ACOXL: variants seen among roughly 807,000 people sequenced by gnomAD.
The protein encoded by ACOXL is acyl-coenzyme A oxidase-like protein.
A neutral mutation model predicts 71.9 loss-of-function variants in ACOXL; 70 were observed. That is an observed-to-expected ratio of 0.97 (90% CI 0.80 to 1.19). The LOEUF (loss-of-function observed/expected upper bound fraction) is 1.19, where lower values mean the gene tolerates loss of function less well. Among genes scored for constraint, ACOXL ranks in the 50% most tolerant of loss-of-function variants. The pLI, the probability that ACOXL is intolerant of heterozygous loss-of-function variation, is 0.00. For synonymous variants in ACOXL, 253 were observed against 281.6 expected (o/e 0.90, Z 1.02); for missense variants, 703 against 736.3 (o/e 0.95, Z 0.52).
At chr2:110,777,022 A>G (rs911578987) in intron 2 of ACOXL, among the ~76,000 whole-genome samples, 7 of 151,920 alleles carry the variant, frequency 4.6e-5, no homozygotes, top group African/African-American at 1.5e-4. Flanking sequence ...GGGAAAGAAA[A>G]TGCGATTCCC....
intron 2 of ACOXL, among the ~76,000 whole-genome samples, chr2:110,779,035 A>G (rs1237915829): frequency 1.3e-5 from 2 of 152,226 alleles, no homozygotes; most frequent in Non-Finnish European, 2.9e-5. Flanking sequence ...TGTAGTAAGC[A>G]TGTGCTGCCA....
At chr2:110,768,513 T>TGTGTGTGTGTGTGAGAGAGAGA in intron 2 of ACOXL, 49 bp downstream of exon 2, 4 of 928,516 alleles carry the variant, frequency 4.3e-6, no homozygotes, top group Non-Finnish European at 6.3e-6. Flanking sequence ...TGTGTGTGTG[T>TGTGTGTGTGTGTGAGAGAGAGA]GAGAGAGAGA....
At chr2:110,987,362 C>T in intron 13 of ACOXL, 145 bp downstream of exon 13, 1 of 679,930 alleles carries the variant, frequency 1.5e-6, no homozygotes, top group Admixed American at 2.8e-5. Context: ...AAAATGAATA[C>T]TCATACACTC....
At chr2:110,978,070 C>T (rs550468597) in intron 12 of ACOXL, among the ~76,000 whole-genome samples, 7 of 152,248 alleles carry the variant, frequency 4.6e-5, no homozygotes, top group Non-Finnish European at 8.8e-5. Flanking sequence ...GTATGATGTG[C>T]TTGCTGCTTG....
chr2:110,778,935 A>G (rs72832812), intron 2 of ACOXL, among the ~76,000 whole-genome samples: 10,405 of 152,296 alleles, frequency 0.068, 448 homozygotes, highest in Non-Finnish European at 0.092. Flanking sequence ...GGTAATGTCA[A>G]TAAGATACGT....
In ACOXL at chr2:111,071,817, TG is replaced by T. The variant is rs1343437381; in HGVS notation, c.1441-21045del. On this transcript the variant is annotated intron_variant, in intron 16 of 17. Transcript: ENST00000439055. ...GTTGGTCCCAGTGGGCTTGAGCTCC[TG>T]GGAACCAAGGCTTTCAGTTCCACAA... Among the ~76,000 whole-genome samples the T allele has an allele frequency of 2.6e-5, 4 of 152,196 alleles. 1 individual carries two copies. The highest frequency in any genetic ancestry group is 2.6e-4 in the Admixed American group (4 of 15,284).
chr2:111,023,466 G>T (rs1020449774), intron 14 of ACOXL, among the ~76,000 whole-genome samples: 2 of 152,108 alleles, frequency 1.3e-5, no homozygotes, highest in African/African-American at 2.4e-5. Flanking sequence ...GGGATTTTTT[G>T]ATTACAGGGA....
At chr2:111,022,450 A>ACACACACAC (rs2064811735) in intron 14 of ACOXL, among the ~76,000 whole-genome samples, 1 of 141,458 alleles carries the variant, frequency 7.1e-6, no homozygotes, top group African/African-American at 3.0e-5. Context: ...CACACACACA[A>ACACACACAC]AGGCACACAC....
intron 17 of ACOXL, among the ~76,000 whole-genome samples, chr2:111,110,716 A>G (rs1262267532): frequency 6.6e-6 from 1 of 152,236 alleles, no homozygotes; most frequent in African/African-American, 2.4e-5. Flanking sequence ...TCTCTCTGAA[A>G]TCACTTCATT....
intron 12 of ACOXL, among the ~76,000 whole-genome samples, chr2:110,960,074 C>T (rs955845494): frequency 1.6e-4 from 24 of 152,108 alleles, no homozygotes; most frequent in Non-Finnish European, 3.1e-4. Context: ...GAGGTAGGGA[C>T]ACCTTTCTTG....
intron 10 of ACOXL, among the ~76,000 whole-genome samples, chr2:110,891,320 T>G (rs1697908483): frequency 6.6e-6 from 1 of 152,146 alleles, no homozygotes; most frequent in African/African-American, 2.4e-5. Flanking sequence ...AAAGTCTATC[T>G]TGTACAATAT....
chr2:110,898,947 G>A (rs549096085), intron 10 of ACOXL, among the ~76,000 whole-genome samples: 1 of 152,230 alleles, frequency 6.6e-6, no homozygotes, highest in Non-Finnish European at 1.5e-5. Context: ...TACCGGTGAT[G>A]AACATAAGGG....
intron 5 of ACOXL, among the ~76,000 whole-genome samples, chr2:110,794,587 G>T (rs1179195235): frequency 6.6e-6 from 1 of 152,182 alleles, no homozygotes; most frequent in Non-Finnish European, 1.5e-5. Context: ...CTATGCTGGG[G>T]CCACCTTATC....
intron 2 of ACOXL, among the ~76,000 whole-genome samples, chr2:110,781,412 C>T (rs889966684): frequency 9.2e-5 from 14 of 151,558 alleles, no homozygotes; most frequent in Non-Finnish European, 1.8e-4. Context: ...GAGGTGGAGG[C>T]GGGCGGATCA....
chr2:110,979,181 T>G (rs1043291959), intron 12 of ACOXL, among the ~76,000 whole-genome samples: 7 of 152,176 alleles, frequency 4.6e-5, no homozygotes, highest in Admixed American at 3.9e-4. Flanking sequence ...GGGTTAGCAG[T>G]CAGGACACAT....
intron 9 of ACOXL, among the ~76,000 whole-genome samples, chr2:110,829,230 T>C (rs1424995531): frequency 1.3e-5 from 2 of 152,226 alleles, no homozygotes; most frequent in African/African-American, 4.8e-5. Flanking sequence ...CCTTTGTAGT[T>C]TTCTATCTGC....
intron 14 of ACOXL, among the ~76,000 whole-genome samples, chr2:111,007,960 A>G (rs1481158823): frequency 6.6e-6 from 1 of 152,144 alleles, no homozygotes; most frequent in African/African-American, 2.4e-5. Context: ...TTCATTGTCT[A>G]TTGTATGTTT....
At chr2:110,784,580 T>C (rs1192740288) in intron 2 of ACOXL, 152 bp from the exon 3 acceptor site, 1 of 543,144 alleles carries the variant, frequency 1.8e-6, no homozygotes, top group Admixed American at 3.9e-5. Context: ...TTTACTTTAG[T>C]AGAATGATGG....
At chr2:111,105,373 C>A (rs1274839378) in intron 17 of ACOXL, among the ~76,000 whole-genome samples, 1 of 151,946 alleles carries the variant, frequency 6.6e-6, no homozygotes, top group Admixed American at 6.6e-5. Flanking sequence ...ACAAATCTTT[C>A]TGGGATTTTG....
Sources: allele counts gnomAD v4.1 joint callset (sites outside exome capture counted in the v4.1 genomes callset), GRCh38; gene constraint gnomAD v4.1.1; transcripts MANE v1.5; gene names NCBI Gene and HGNC (gene_info 2026-07-23, HGNC 2026-07-21).